ZNF474: variants seen among roughly 807,000 people sequenced by gnomAD.
ZNF474 encodes zinc finger protein 474, also known as 4933409D10Rik.
For synonymous variants in ZNF474, 192 were observed against 162.2 expected, an observed-to-expected ratio of 1.18 and a Z score of -1.39; for missense variants, 511 against 433.8, an observed-to-expected ratio of 1.18 and a Z score of -1.58.
chr5:122,130,934 A>G (rs377450355), intron 1 of ZNF474, among the ~76,000 whole-genome samples: 23 of 152,130 alleles, frequency 1.5e-4, no homozygotes, highest in African/African-American at 4.8e-4. Flanking sequence ...AATGCTGTAC[A>G]TTAGGTTTCT....
intron 1 of ZNF474, among the ~76,000 whole-genome samples, chr5:122,139,954 AG>A (rs1440202463): frequency 1.3e-5 from 2 of 152,180 alleles, no homozygotes; most frequent in African/African-American, 4.8e-5. Context: ...AAAGGAGAAG[AG>A]TGAAAAAAGA....
Position 122,152,697 on chromosome 5 carries a change from T to A in ZNF474, c.707T>A (p.Leu236His), listed in dbSNP as rs1756225437. 1 of 1,614,198 alleles carries A rather than the reference T, an allele frequency of 6.2e-7. No homozygotes were observed. The highest frequency in any genetic ancestry group is 2.2e-5 in the East Asian group (1 of 44,878). Reference protein sequence around the residue: ...ICGKEFGTLSLPIHEPKCLEK... With the variant: ...ICGKEFGTLSHPIHEPKCLEK... ...GGTAAGGAATTTGGCACCCTGTCCC[T>A]TCCTATTCATGAGCCCAAATGCCTG... Residue 236 changes from leucine (L) to histidine (H), a missense_variant, in exon 2 of 2, where the codon CTT (leucine) becomes CAT (histidine). Transcript: ENST00000296600.
chr5:122,133,438 C>T (rs1755626987), intron 1 of ZNF474, among the ~76,000 whole-genome samples: 1 of 152,154 alleles, frequency 6.6e-6, no homozygotes, highest in East Asian at 1.9e-4. Flanking sequence ...CAAATGTTAA[C>T]TAAGAAAAAA....
At position 122,146,142 on chromosome 5, in the gene ZNF474, C is replaced by T. The variant is rs75709014; in HGVS notation, c.-212-5637C>T. ...ATGGCCTCTTGCTCCCCACTTCTTG[C>T]ATTCTCCTCCCATTATTCCTGTTGG... On this transcript the variant is annotated intron_variant, in intron 1 of 1. Coordinates refer to ENST00000296600, the MANE Select transcript of ZNF474 (RefSeq NM_207317.3). Among the ~76,000 whole-genome samples the T allele has an allele frequency of 8.6e-3, 1,313 of 152,304 alleles. 13 individuals are homozygous for T. Among genetic ancestry groups the T allele is most frequent in the African/African-American group, 0.03 (1,259 of 41,558 alleles).
chr5:122,148,970 T>C (rs1351682380), intron 1 of ZNF474, among the ~76,000 whole-genome samples: 1 of 152,072 alleles, frequency 6.6e-6, no homozygotes, highest in Non-Finnish European at 1.5e-5. Context: ...CCTCAGGTGA[T>C]CCGCCCACCT....
chr5:122,143,349 C>T (rs1755899076), intron 1 of ZNF474, among the ~76,000 whole-genome samples: 1 of 152,050 alleles, frequency 6.6e-6, no homozygotes, highest in African/African-American at 2.4e-5. Flanking sequence ...AGTGTCGCAC[C>T]GAGTTCAACT....
intron 1 of ZNF474, among the ~76,000 whole-genome samples, chr5:122,130,280 C>T (rs1755546201): frequency 6.6e-6 from 1 of 152,072 alleles, no homozygotes; most frequent in African/African-American, 2.4e-5. Flanking sequence ...ATGTCATGGT[C>T]ACCTCAGTCA....
At chr5:122,145,679 T>A (rs1755971009) in intron 1 of ZNF474, among the ~76,000 whole-genome samples, 1 of 152,218 alleles carries the variant, frequency 6.6e-6, no homozygotes, top group African/African-American at 2.4e-5. Context: ...AGCACTGCGA[T>A]AGTGTAAAAA....
At chr5:122,137,446 CAA>C (rs1166694085) in intron 1 of ZNF474, among the ~76,000 whole-genome samples, 114 of 11,524 alleles carry the variant, frequency 9.9e-3, no homozygotes, top group African/African-American at 0.019. Flanking sequence ...GACTCTGTCT[CAA>C]AAAAAAAAAA....
chr5:122,136,645 A>G (rs748358353), intron 1 of ZNF474, among the ~76,000 whole-genome samples: 3 of 152,222 alleles, frequency 2.0e-5, no homozygotes, highest in South Asian at 4.1e-4. Context: ...CAGTATAGTT[A>G]TGCTTTTAAA....
chr5:122,144,666 G>A (rs1755940245), intron 1 of ZNF474, among the ~76,000 whole-genome samples: 1 of 152,230 alleles, frequency 6.6e-6, no homozygotes, highest in African/African-American at 2.4e-5. Context: ...TATTGGTATA[G>A]AGCTATCCTG....
intron 1 of ZNF474, among the ~76,000 whole-genome samples, chr5:122,151,331 A>C (rs1449215834): frequency 2.0e-5 from 3 of 152,190 alleles, no homozygotes; most frequent in South Asian, 4.1e-4. Flanking sequence ...TGTCACTAAC[A>C]AGTTAAGGAT....
intron 1 of ZNF474, among the ~76,000 whole-genome samples, chr5:122,149,300 A>G (rs1175696230): frequency 6.6e-6 from 1 of 152,146 alleles, no homozygotes; most frequent in East Asian, 1.9e-4. Flanking sequence ...AAAGTTGAAG[A>G]AAAAAAGTCC....
In ZNF474 at chr5:122,151,951, C is replaced by G; in HGVS notation, c.-40C>G. The G allele has an allele frequency of 1.3e-6, 2 of 1,571,458 alleles. No individual in the cohort carries two copies. Among genetic ancestry groups the G allele is most frequent in the South Asian group, 2.4e-5 (2 of 83,058 alleles). On this transcript the variant is annotated 5_prime_UTR_variant, in exon 2 of 2. Transcript: ENST00000296600. ...AGCAGAAGCCCAAAGTGAGTCTGGC[C>G]TGAAATCAGAGCAAGCACTACAGAA... is the stretch of plus-strand genomic sequence containing the variant.
Position 122,152,953 on chromosome 5 carries a change from G to T in ZNF474, c.963G>T (p.Gly321=), listed in dbSNP as rs751418180. ...CAAAATATCAGAATTTGAATTTAGG[G>T]AGTAAAGGAGGCCTAAAAGAGTACA... is the stretch of plus-strand genomic sequence containing the variant. ...YGPKYQNLNL[G]SKGGLKEYTN... Residue 321 remains glycine, a synonymous_variant, in exon 2 of 2, where the codon GGG becomes GGT. Coordinates refer to ENST00000296600, the MANE Select transcript of ZNF474 (RefSeq NM_207317.3). 8.7e-6 allele frequency: 14 copies of T among 1,613,904 alleles called. No individual in the cohort carries two copies. The African/African-American group carries it at 1.3e-4, about 15-fold the overall frequency.
chr5:122,147,544 G>A (rs1756024095), intron 1 of ZNF474, among the ~76,000 whole-genome samples: 1 of 148,078 alleles, frequency 6.8e-6, no homozygotes, highest in African/African-American at 2.5e-5. Flanking sequence ...CCCACAACAG[G>A]CCCCCATGTG....
chr5:122,141,150 ATTTTATTTTATT>A (rs1314853135), intron 1 of ZNF474, among the ~76,000 whole-genome samples: 1 of 35,108 alleles, frequency 2.8e-5, no homozygotes, highest in African/African-American at 4.8e-5. Context: ...ATTTTATTTT[ATTTTATTTTATT>A]TTATTTTATT....
rs184517643 is a variant in ZNF474, at chr5:122,143,345, G to A, written c.-212-8434G>A. Among the ~76,000 whole-genome samples, 355 of 152,164 alleles carry A rather than the reference G, an allele frequency of 2.3e-3. 2 individuals carry two copies. The highest frequency in any genetic ancestry group is 8.0e-3 in the African/African-American group (332 of 41,518). ...CTCAGAAGTCTATGTCAAAAGTGTC[G>A]CACCGAGTTCAACTAAATCAAGAGT... On this transcript the variant is annotated intron_variant, in intron 1 of 1. Transcript: ENST00000296600.
intron 1 of ZNF474, among the ~76,000 whole-genome samples, chr5:122,141,125 ATT>A (rs1360946278): frequency 2.6e-5 from 1 of 38,424 alleles, no homozygotes; most frequent in South Asian, 1.1e-3. Context: ...ATTTTATTTT[ATT>A]TTATTTTATT....
Sources: gnomAD v4.1 joint callset for allele counts (sites outside exome capture counted in the v4.1 genomes callset) on GRCh38, gnomAD v4.1.1 for gene constraint, MANE v1.5 for transcripts, NCBI Gene and HGNC (gene_info 2026-07-23, HGNC 2026-07-21) for gene names.